GPRASP3: variants seen among roughly 807,000 people sequenced by gnomAD.
The protein encoded by GPRASP3 is G protein-coupled receptor associated sorting protein family member 3, also known as G protein-coupled receptor associated sorting protein 3.
chrX:102,747,767 C>T, the GPRASP3 span: 8 of 112,370 alleles, frequency 7.1e-5, no homozygotes, highest in African/African-American at 2.3e-4. Flanking sequence ...GGCATTAGAT[C>T]ATCTTAGTCT....
At chrX:102,731,926 T>C in the GPRASP3 span, among the ~76,000 whole-genome samples, 1 of 112,237 alleles carries the variant, frequency 8.9e-6, no homozygotes, top group Non-Finnish European at 1.9e-5. Context: ...TCATCCTGTC[T>C]CTTAATGCAT....
the GPRASP3 span, among the ~76,000 whole-genome samples, chrX:102,721,667 G>C: frequency 9.0e-6 from 1 of 111,049 alleles, no homozygotes; most frequent in African/African-American, 3.3e-5. Flanking sequence ...TCCCATTGAG[G>C]GACACAAAGT....
chrX:102,750,889 G>A, the GPRASP3 span: 1 of 268,734 alleles, frequency 3.7e-6, no homozygotes, highest in Non-Finnish European at 6.9e-6. Flanking sequence ...TTTTAAGTAA[G>A]CTAACTTGTT....
At chrX:102,725,999 C>T in the GPRASP3 span, among the ~76,000 whole-genome samples, 4 of 112,431 alleles carry the variant, frequency 3.6e-5, no homozygotes, top group Admixed American at 9.4e-5. Context: ...TGTCTGACTG[C>T]AAAGCCTGAA....
chrX:102,725,789 C>T, the GPRASP3 span, among the ~76,000 whole-genome samples: 2 of 112,571 alleles, frequency 1.8e-5, no homozygotes, highest in African/African-American at 6.4e-5. Flanking sequence ...TCAGGTGATC[C>T]ACCCGCCTCG....
At chrX:102,743,926 T>C in the GPRASP3 span, among the ~76,000 whole-genome samples, 1 of 111,395 alleles carries the variant, frequency 9.0e-6, no homozygotes, top group African/African-American at 3.3e-5. Flanking sequence ...GCAGGAATAA[T>C]TGGGGACGTT....
chrX:102,721,928 A>G, the GPRASP3 span, among the ~76,000 whole-genome samples: 3 of 111,025 alleles, frequency 2.7e-5, no homozygotes, highest in Non-Finnish European at 5.7e-5. Flanking sequence ...CCCCTACCCC[A>G]TGCACCCACT....
At chrX:102,740,789 C>T in the GPRASP3 span, among the ~76,000 whole-genome samples, 1 of 102,991 alleles carries the variant, frequency 9.7e-6, no homozygotes, top group Non-Finnish European at 2.0e-5. Flanking sequence ...TTTGGAGCTG[C>T]ATACTAAAGA....
At chrX:102,722,934 A>G in the GPRASP3 span, among the ~76,000 whole-genome samples, 1 of 111,452 alleles carries the variant, frequency 9.0e-6, no homozygotes, top group Non-Finnish European at 1.9e-5. Context: ...TAGGGTGCCT[A>G]TAGTTAACAA....
chrX:102,734,478 A>C, the GPRASP3 span, among the ~76,000 whole-genome samples: 1 of 111,796 alleles, frequency 8.9e-6, no homozygotes, highest in East Asian at 2.8e-4. Flanking sequence ...TTAGCCAGGC[A>C]TGGTGGCAGA....
At chrX:102,744,341 C>G in the GPRASP3 span, among the ~76,000 whole-genome samples, 1 of 111,940 alleles carries the variant, frequency 8.9e-6, no homozygotes, top group Non-Finnish European at 1.9e-5. Flanking sequence ...AAATAAAACT[C>G]TCACATCAGA....
At chrX:102,725,512 C>T in the GPRASP3 span, among the ~76,000 whole-genome samples, 9 of 109,580 alleles carry the variant, frequency 8.2e-5, 1 homozygote, top group Admixed American at 8.7e-4. Flanking sequence ...TTATTTGCCA[C>T]TTGGCCACTT....
the GPRASP3 span, among the ~76,000 whole-genome samples, chrX:102,727,052 A>G: frequency 1.8e-5 from 2 of 112,800 alleles, no homozygotes; most frequent in Non-Finnish European, 3.7e-5. Context: ...AGGAATTCTT[A>G]CTCACTGAAG....
At chrX:102,736,336 A>G in the GPRASP3 span, among the ~76,000 whole-genome samples, 2 of 112,296 alleles carry the variant, frequency 1.8e-5, no homozygotes, top group Admixed American at 1.9e-4. Flanking sequence ...TTTTAACACC[A>G]ATTAATTAGA....
chrX:102,728,187 T>A, the GPRASP3 span, among the ~76,000 whole-genome samples: 2 of 111,827 alleles, frequency 1.8e-5, no homozygotes, highest in Non-Finnish European at 3.8e-5. Flanking sequence ...TTCCTCAGAC[T>A]TCATTACCAA....
chrX:102,741,141 G>T, the GPRASP3 span, among the ~76,000 whole-genome samples: 2 of 111,784 alleles, frequency 1.8e-5, no homozygotes, highest in African/African-American at 6.5e-5. Flanking sequence ...AGGGGCATAA[G>T]GCAGAAAAAG....
the GPRASP3 span, chrX:102,749,704 G>A: frequency 8.3e-7 from 1 of 1,211,000 alleles, no homozygotes; most frequent in East Asian, 3.0e-5. Context: ...TAGATCCCAG[G>A]CACCATCTGA....
At chrX:102,736,318 C>G in the GPRASP3 span, among the ~76,000 whole-genome samples, 70 of 112,253 alleles carry the variant, frequency 6.2e-4, no homozygotes, top group Non-Finnish European at 1.1e-3. Context: ...AATATTTAAG[C>G]ATTTATTTTT....
chrX:102,728,205 T>C, the GPRASP3 span, among the ~76,000 whole-genome samples: 1 of 111,640 alleles, frequency 9.0e-6, no homozygotes, highest in South Asian at 3.7e-4. Flanking sequence ...CAATAATATA[T>C]ATATTTTTCA....
Sources: allele counts gnomAD v4.1 joint callset (sites outside exome capture counted in the v4.1 genomes callset), GRCh38; gene constraint gnomAD v4.1.1; transcripts MANE v1.5; gene names NCBI Gene and HGNC (gene_info 2026-07-23, HGNC 2026-07-21).